DTX4: variants seen among roughly 807,000 people sequenced by gnomAD.
DTX4 encodes the protein E3 ubiquitin-protein ligase DTX4.
In DTX4, 28 loss-of-function variants were observed where a neutral mutation model predicts 57.6. That is an observed-to-expected ratio of 0.49 (90% CI 0.36 to 0.67). The LOEUF (loss-of-function observed/expected upper bound fraction) is 0.67. DTX4 is among the 30% of genes least tolerant of loss of function. The pLI is 0.00. For missense variants in DTX4, 715 were observed against 836.8 expected, an observed-to-expected ratio of 0.85 and a Z score of 1.80; for synonymous variants, 316 against 331.0, an observed-to-expected ratio of 0.95 and a Z score of 0.49.
Position 59,182,039 on chromosome 11 carries a change from C to T in DTX4, c.512C>T (p.Ala171Val), listed in dbSNP as rs754926340. 1 of 1,613,272 alleles carries T rather than the reference C, an allele frequency of 6.2e-7. No homozygotes were observed. Among genetic ancestry groups the T allele is most frequent in the Non-Finnish European group, 8.5e-7 (1 of 1,179,488 alleles). ...YPMVTGTLPK[A>V]QSWPVSPGPA... The stretch of plus-strand genomic sequence containing the variant: ...ATGGTCACAGGGACCTTGCCTAAGG[C>T]TCAGTCCTGGCCAGTCAGCCCTGGG... The change falls in exon 2 of 9, where the codon GCT becomes GTT. Residue 171 changes from alanine to valine, a missense_variant. By Grantham distance (64) the Ala-to-Val change is moderately conservative (BLOSUM62 0). Transcript: ENST00000227451.
intron 7 of DTX4, among the ~76,000 whole-genome samples, chr11:59,198,794 G>C (rs562305111): frequency 3.9e-5 from 6 of 152,170 alleles, no homozygotes; most frequent in African/African-American, 4.8e-5. Context: ...CATCCCTCAG[G>C]GGGTCAGGGA....
In DTX4 at chr11:59,174,969, G is replaced by A. The variant is rs538639519; in HGVS notation, c.211+2163G>A. 1.6e-4 allele frequency among the ~76,000 whole-genome samples: 24 copies of A among 152,280 alleles called. No homozygotes were observed. The South Asian group carries it at 3.1e-3, about 20-fold the overall frequency. On this transcript the variant is annotated intron_variant, in intron 1 of 8. Transcript: ENST00000227451. ...CGCCAGGCCCTGTGCTGGGTGCTGCGGACACTGGGCTGAATTCCCAGAAAA... is the reference window on the plus strand; with the variant it reads ...CGCCAGGCCCTGTGCTGGGTGCTGCAGACACTGGGCTGAATTCCCAGAAAA...
At chr11:59,179,971 A>G (rs1460699219) in intron 1 of DTX4, among the ~76,000 whole-genome samples, 1 of 152,126 alleles carries the variant, frequency 6.6e-6, no homozygotes, top group African/African-American at 2.4e-5. Flanking sequence ...AACCTTCTCC[A>G]TGGTTTCTCC....
chr11:59,196,474 G>A (rs1453415321), intron 7 of DTX4, among the ~76,000 whole-genome samples: 3 of 152,240 alleles, frequency 2.0e-5, no homozygotes, highest in Non-Finnish European at 2.9e-5. Context: ...GAGATGCAAC[G>A]TAGACAAAGT....
intron 7 of DTX4, among the ~76,000 whole-genome samples, 176 bp downstream of exon 7, chr11:59,195,545 A>G (rs1385378384): frequency 1.3e-5 from 2 of 151,762 alleles, no homozygotes; most frequent in Admixed American, 6.6e-5. Context: ...TGACTTTCCT[A>G]TGTATCCTTC....
intron 8 of DTX4, among the ~76,000 whole-genome samples, chr11:59,201,477 G>A (rs1277489043): frequency 6.6e-6 from 1 of 152,196 alleles, no homozygotes; most frequent in African/African-American, 2.4e-5. Flanking sequence ...CCCATTTAGA[G>A]CCCCTGGATG....
intron 8 of DTX4, among the ~76,000 whole-genome samples, chr11:59,202,857 C>T (rs1862756130): frequency 6.6e-6 from 1 of 152,144 alleles, no homozygotes; most frequent in Admixed American, 6.5e-5. Flanking sequence ...AGTGTACTTA[C>T]ACAAAACTAG....
Position 59,182,578 on chromosome 11 carries a change from C to T in DTX4, c.935+116C>T, listed in dbSNP as rs553174493. The T allele has an allele frequency of 2.3e-4, 313 of 1,369,166 alleles. 1 individual carries two copies. The highest frequency in any genetic ancestry group is 2.7e-4 in the Non-Finnish European group (283 of 1,040,288). The allele number at this position is 1,369,166 out of a possible 1,614,324, so 84.8% of individuals were successfully genotyped here. A position where few individuals can be genotyped will look rare whatever the true frequency, so the allele number is the denominator to read the frequency against. On this transcript the variant is annotated intron_variant, in intron 2 of 8. Transcript: ENST00000227451. ...ACTTAAGCTTCTCATCTTGTGCTGA[C>T]CCCTGGCTGCAGGTGAAGGTGGTGC... is the stretch of plus-strand genomic sequence containing the variant.
intron 1 of DTX4, among the ~76,000 whole-genome samples, chr11:59,179,014 C>T (rs1862428438): frequency 1.3e-5 from 2 of 150,922 alleles, no homozygotes; most frequent in African/African-American, 4.9e-5. Context: ...GGACAACTCT[C>T]AGGCATCTCC....
upstream of DTX4, among the ~76,000 whole-genome samples, chr11:59,171,872 AGGAG>A (rs536298474): frequency 1.3e-3 from 194 of 152,190 alleles, no homozygotes; most frequent in African/African-American, 4.5e-3. Context: ...ATTTGGGGGA[AGGAG>A]GCTGCAAAGT....
At chr11:59,199,847 A>G in intron 8 of DTX4, 74 bp downstream of exon 8, 1 of 1,297,184 alleles carries the variant, frequency 7.7e-7, no homozygotes, top group Non-Finnish European at 1.1e-6. Context: ...TCAAGGCCTA[A>G]AGTTTTGCTT....
chr11:59,201,502 T>G (rs1383075247), intron 8 of DTX4, among the ~76,000 whole-genome samples: 2 of 152,138 alleles, frequency 1.3e-5, no homozygotes, highest in Non-Finnish European at 2.9e-5. Flanking sequence ...TTACTTCCAC[T>G]CACCCTTCAC....
intron 1 of DTX4, among the ~76,000 whole-genome samples, chr11:59,175,486 G>T (rs770224871): frequency 1.3e-5 from 2 of 152,124 alleles, no homozygotes; most frequent in Non-Finnish European, 2.9e-5. Context: ...TTTGCCCTGG[G>T]CCCTTCTCCT....
rs1489113757 is a variant in DTX4, at chr11:59,172,144, G to A, written c.-452G>A. Among the ~76,000 whole-genome samples the A allele has an allele frequency of 6.6e-6, 1 of 152,088 alleles. No homozygotes were observed. Among genetic ancestry groups the A allele is most frequent in the Non-Finnish European group, 1.5e-5 (1 of 67,982 alleles). ...ACCAGAGCGTGCCATTCCGAGCGCG[G>A]CCGTGCGGCGAGATCCCACCCCGGC... On this transcript the variant is annotated 5_prime_UTR_variant, in exon 1 of 9. Transcript: ENST00000227451.
chr11:59,188,796 G>T lies in DTX4; in HGVS notation c.997G>T (p.Gly333Ter), dbSNP rs1237945075. ...CAGTCCTGTCAACCCTGCCTTGGCA[G>T]GTAAGAGAAACCCCAGGATGCTCTG... ...GSSPVNPALA[G>*]ITGILMSAAG... The change falls in exon 3 of 9, where the codon GGA (glycine) becomes TGA (stop). Residue 333 changes from glycine (G) to a stop codon, truncating the protein, a stop_gained and splice_region_variant. Coordinates refer to ENST00000227451, the MANE Select transcript of DTX4 (RefSeq NM_015177.2). LOFTEE classifies it high-confidence loss of function. 1 of 1,613,426 alleles carries T rather than the reference G, an allele frequency of 6.2e-7. No individual in the cohort carries two copies. The highest frequency in any genetic ancestry group is 8.5e-7 in the Non-Finnish European group (1 of 1,179,544).
intron 8 of DTX4, 63 bp downstream of exon 8, chr11:59,199,836 G>T: frequency 2.2e-6 from 3 of 1,392,834 alleles, no homozygotes; most frequent in Non-Finnish European, 3.0e-6. Context: ...TTACTTCTAT[G>T]TCAAGGCCTA....
At position 59,195,340 on chromosome 11, in the gene DTX4, A is replaced by G. The variant is rs942699370; in HGVS notation, c.1507A>G (p.Ile503Val). Reference protein sequence around the residue: ...PGHPDCKTIRIIYSIPPGIQG... With the variant: ...PGHPDCKTIRVIYSIPPGIQG... ...CCACCCAGACTGCAAAACCATCCGG[A>G]TCATCTACAGCATCCCCCCCGGCAT... Residue 503 changes from isoleucine (I) to valine (V), a missense_variant, in exon 7 of 9, where the codon ATC (isoleucine) becomes GTC (valine). Coordinates refer to ENST00000227451, the MANE Select transcript of DTX4 (RefSeq NM_015177.2). 2.5e-6 allele frequency: 4 copies of G among 1,613,162 alleles called. No homozygotes were observed. In the African/African-American group the frequency reaches 4.0e-5, roughly 16 times the overall value.
In DTX4 at chr11:59,208,073, A is replaced by G. The variant is rs1862838120; in HGVS notation, c.*3164A>G. On this transcript the variant is annotated 3_prime_UTR_variant, in exon 9 of 9. Coordinates refer to ENST00000227451, the MANE Select transcript of DTX4 (RefSeq NM_015177.2). The stretch of plus-strand genomic sequence containing the variant: ...GTGAATTGTTCTGTTTGTAACTGGA[A>G]TGTTTTTGAAGTCTTTGGTGTTGCT... The G allele has an allele frequency of 6.6e-6, 1 of 152,458 alleles. No homozygotes were observed. The highest frequency in any genetic ancestry group is 1.5e-5 in the Non-Finnish European group (1 of 68,014). The allele number at this position is 152,458 out of a possible 1,614,324, so 9.4% of individuals were successfully genotyped here.
At chr11:59,193,888 G>C (rs138494491) in intron 6 of DTX4, among the ~76,000 whole-genome samples, 1 of 152,222 alleles carries the variant, frequency 6.6e-6, no homozygotes, top group South Asian at 2.1e-4. Flanking sequence ...CTGTCTTCCC[G>C]AGGAGTTGGG....
Sources: gnomAD v4.1 joint callset for allele counts (sites outside exome capture counted in the v4.1 genomes callset) on GRCh38, gnomAD v4.1.1 for gene constraint, MANE v1.5 for transcripts, NCBI Gene and HGNC (gene_info 2026-07-23, HGNC 2026-07-21) for gene names.